The following KIAA1614 variants were observed in gnomAD, a reference collection of about 807,000 sequenced individuals.
KIAA1614 encodes the protein KIAA1614.
In KIAA1614, 76 loss-of-function variants were observed where a neutral mutation model predicts 88.7. That is an observed-to-expected ratio of 0.86 (90% CI 0.71 to 1.04). The LOEUF (loss-of-function observed/expected upper bound fraction) is 1.04. Ranked by LOEUF, KIAA1614 falls within the 50% of genes least tolerant of loss-of-function variation. KIAA1614 has a pLI of 0.00. For missense variants in KIAA1614, 1,553 were observed against 1,582.5 expected (o/e 0.98, Z 0.32); for synonymous variants, 714 against 675.5 (o/e 1.06, Z -0.88).
At position 180,936,385 on chromosome 1, in the gene KIAA1614, G is replaced by T. The variant is rs1558070756; in HGVS notation, c.2476G>T (p.Ala826Ser). Residue 826 changes from alanine (A) to serine (S), a missense_variant, in exon 5 of 9, where the codon GCC (alanine) becomes TCC (serine). Physicochemically the swap from Ala to Ser is moderately conservative, Grantham distance 99 (BLOSUM62 1). Transcript: ENST00000367588. ...TTSPVSHRKA[A>S]LAGLLRLGDQ... is the part of the protein sequence containing the mutation. ...CTCGCCAGTGTCTCACAGGAAGGCA[G>T]CCCTGGCTGGACTGCTCAGGCTGGG... 6.2e-7 allele frequency: 1 copy of T among 1,614,226 alleles called. No homozygotes were observed. The highest frequency in any genetic ancestry group is 8.5e-7 in the Non-Finnish European group (1 of 1,180,036).
intron 6 of KIAA1614, among the ~76,000 whole-genome samples, chr1:180,940,649 C>T (rs971263060): frequency 7.3e-5 from 11 of 150,844 alleles, no homozygotes; most frequent in Non-Finnish European, 1.5e-4. Flanking sequence ...CTTTTCTTTT[C>T]TTTCTTTCTT....
Position 180,920,112 on chromosome 1 carries a change from C to T in KIAA1614, c.1061+2198C>T, listed in dbSNP as rs376356191. Among the ~76,000 whole-genome samples, 36 of 152,296 alleles carry T rather than the reference C, an allele frequency of 2.4e-4. No homozygotes were observed. The East Asian group carries it at 5.6e-3, about 24-fold the overall frequency. The stretch of plus-strand genomic sequence containing the variant: ...TGCAGTGAGGTCCCTGCTGAGTAGA[C>T]GCCCAGGCTATAGGGCCATGTCTTG... On this transcript the variant is annotated intron_variant, in intron 3 of 8. Coordinates refer to ENST00000367588, the MANE Select transcript of KIAA1614 (RefSeq NM_020950.2).
rs891313783 is a variant in KIAA1614, at chr1:180,949,532, C to T, written c.*3944C>T. On this transcript the variant is annotated 3_prime_UTR_variant, in exon 9 of 9. Transcript: ENST00000367588. ...CCAGCCCAAGCCCCACAGGGCCTGC[C>T]CCACTGACGGGGGGCTCCCTGAGAG... 1 of 152,280 alleles carries T rather than the reference C, an allele frequency of 6.6e-6. No individual in the cohort carries two copies. The highest frequency in any genetic ancestry group is 1.5e-5 in the Non-Finnish European group (1 of 68,082). 9.4% of individuals were successfully genotyped at this position (152,280 alleles called of 1,614,324 possible). A position where few individuals can be genotyped will look rare whatever the true frequency, so the allele number is the denominator to read the frequency against.
In KIAA1614 at chr1:180,950,514, A is replaced by G; in HGVS notation, c.*4926A>G. On this transcript the variant is annotated 3_prime_UTR_variant, in exon 9 of 9. Transcript: ENST00000367588. ...AGCTTGTCAATCCGTGTCCTGAGGC[A>G]GAGACCTGTCCCACGGTGACCCAGA... The G allele has an allele frequency of 8.9e-7, 1 of 1,127,194 alleles. No homozygotes were observed. The highest frequency in any genetic ancestry group is 1.1e-6 in the Non-Finnish European group (1 of 907,268). The allele number at this position is 1,127,194 out of a possible 1,614,324, so 69.8% of individuals were successfully genotyped here. A position where few individuals can be genotyped will look rare whatever the true frequency, so the allele number is the denominator to read the frequency against.
At chr1:180,917,755 T>C in intron 2 of KIAA1614, 96 bp from the exon 3 acceptor site, 3 of 1,004,878 alleles carry the variant, frequency 3.0e-6, no homozygotes, top group Non-Finnish European at 3.2e-6. Context: ...AGTAAGTTGC[T>C]TCTGGAGAAA....
intron 3 of KIAA1614, among the ~76,000 whole-genome samples, chr1:180,924,273 CAG>C (rs1219896370): frequency 6.6e-6 from 1 of 152,358 alleles, no homozygotes; most frequent in African/African-American, 2.4e-5. Context: ...CTCTGCCTGC[CAG>C]AGTTGAACAG....
rs946858311 is a variant in KIAA1614 at position 180,940,569 on chromosome 1, G to A, written c.2919-476G>A. The stretch of plus-strand genomic sequence containing the variant: ...TCTGAGCTGAGTATTATGGCGGGGG[G>A]CTTGCCTGAGCTATACTCCCCAAAA... On this transcript the variant is annotated intron_variant, in intron 6 of 8. Coordinates refer to ENST00000367588, the MANE Select transcript of KIAA1614 (RefSeq NM_020950.2). Among the ~76,000 whole-genome samples the A allele has an allele frequency of 3.3e-5, 5 of 152,160 alleles. No individual in the cohort carries two copies. In the South Asian group the frequency reaches 6.2e-4, roughly 19 times the overall value.
At chr1:180,913,894 T>C (rs1366318303) in intron 1 of KIAA1614, 1 of 152,236 alleles carries the variant, frequency 6.6e-6, no homozygotes, top group African/African-American at 2.4e-5. Context: ...ATAGAACAAA[T>C]TATTTCTGTC....
Position 180,945,912 on chromosome 1 carries a change from C to G in KIAA1614, c.*324C>G. ...CTGAGGTCAGGAGTTCGAGACCAGT[C>G]TGGCCCACATGGTGAAACCCATGTC... On this transcript the variant is annotated 3_prime_UTR_variant, in exon 9 of 9. Transcript: ENST00000367588. 1.6e-6 allele frequency: 1 copy of G among 607,384 alleles called. No homozygotes were observed. Among genetic ancestry groups the G allele is most frequent in the Non-Finnish European group, 2.2e-6 (1 of 461,966 alleles). 37.6% of individuals were successfully genotyped at this position (607,384 alleles called of 1,614,324 possible).
At position 180,916,762 on chromosome 1, in the gene KIAA1614, G is replaced by A. The variant is rs768311168; in HGVS notation, c.659G>A (p.Arg220Gln). 25 of 1,614,090 alleles carry A rather than the reference G, an allele frequency of 1.5e-5. No individual in the cohort carries two copies. Among genetic ancestry groups the A allele is most frequent in the Middle Eastern group, 1.6e-4 (1 of 6,084 alleles). ...CCGATCCATGGAGTTACTCCCGGACGGCCTGGGGGTCCTGGTCATTGTAAC... is the reference window on the plus strand; with the variant it reads ...CCGATCCATGGAGTTACTCCCGGACAGCCTGGGGGTCCTGGTCATTGTAAC... ...QSPIHGVTPG[R>Q]PGGPGHCNKI... Residue 220 changes from arginine to glutamine, a missense_variant, in exon 2 of 9, where the codon CGG becomes CAG. By Grantham distance (43) the Arg-to-Gln change is conservative. Coordinates refer to ENST00000367588, the MANE Select transcript of KIAA1614 (RefSeq NM_020950.2).
chr1:180,922,818 T>C (rs1653985953), intron 3 of KIAA1614, among the ~76,000 whole-genome samples: 1 of 152,148 alleles, frequency 6.6e-6, no homozygotes, highest in African/African-American at 2.4e-5. Flanking sequence ...TCTGACACTG[T>C]CTACCTGCAG....
rs1654578593 is a variant in KIAA1614, at chr1:180,945,825, C to T, written c.*237C>T. 1 of 1,310,264 alleles carries T rather than the reference C, an allele frequency of 7.6e-7. No individual in the cohort carries two copies. Among genetic ancestry groups the T allele is most frequent in the Non-Finnish European group, 9.6e-7 (1 of 1,037,134 alleles). The allele number at this position is 1,310,264 out of a possible 1,614,324, so 81.2% of individuals were successfully genotyped here. ...GACATCTTGAAATTAGAAGCTTAGG[C>T]CGGGCGCAGTGGCTCATGCCTGTAA... On this transcript the variant is annotated 3_prime_UTR_variant, in exon 9 of 9. Coordinates refer to ENST00000367588, the MANE Select transcript of KIAA1614 (RefSeq NM_020950.2).
At position 180,950,595 on chromosome 1, in the gene KIAA1614, T is replaced by C. The variant is rs1201795142; in HGVS notation, c.*5007T>C. 2.1e-6 allele frequency: 2 copies of C among 966,810 alleles called. No individual in the cohort carries two copies. The highest frequency in any genetic ancestry group is 2.6e-6 in the Non-Finnish European group (2 of 783,950). The allele number at this position is 966,810 out of a possible 1,614,324, so 59.9% of individuals were successfully genotyped here. Reference sequence around the variant, plus strand: ...GAAGCCCTGAAGCACTCAGGGTGGTTGGCAGGAACGTGCTGCACAGAGCTG... The same window carrying C: ...GAAGCCCTGAAGCACTCAGGGTGGTCGGCAGGAACGTGCTGCACAGAGCTG... On this transcript the variant is annotated 3_prime_UTR_variant, in exon 9 of 9. Coordinates refer to ENST00000367588, the MANE Select transcript of KIAA1614 (RefSeq NM_020950.2).
rs1654622258 is a variant in KIAA1614 at position 180,947,459 on chromosome 1, T to TGGGGAGG, written c.*1877_*1878insGGGGGAG. ...CCTGGACTGGGAACGGCTGTGGAGA[T>TGGGGAGG]GGGGAGAGGGGAGAGGGGACAGGGG... On this transcript the variant is annotated 3_prime_UTR_variant, in exon 9 of 9. Coordinates refer to ENST00000367588, the MANE Select transcript of KIAA1614 (RefSeq NM_020950.2). 1 of 151,828 alleles carries TGGGGAGG rather than the reference T, an allele frequency of 6.6e-6. No individual in the cohort carries two copies. The highest frequency in any genetic ancestry group is 2.4e-5 in the African/African-American group (1 of 41,220). The allele number at this position is 151,828 out of a possible 1,614,324, so 9.4% of individuals were successfully genotyped here.
chr1:180,923,653 C>T (rs1654001772), intron 3 of KIAA1614, among the ~76,000 whole-genome samples: 1 of 152,152 alleles, frequency 6.6e-6, no homozygotes, highest in Non-Finnish European at 1.5e-5. Flanking sequence ...CCAGTGCCTG[C>T]AAGTGTGTGC....
At chr1:180,934,997 C>T (rs2102269145) in intron 4 of KIAA1614, 118 bp from the exon 5 acceptor site, 3 of 674,480 alleles carry the variant, frequency 4.4e-6, no homozygotes, top group Non-Finnish European at 6.5e-6. Flanking sequence ...TTGTGGGTTG[C>T]GGTTGCCACA....
chr1:180,917,957 C>T, intron 3 of KIAA1614, 43 bp downstream of exon 3: 1 of 1,522,630 alleles, frequency 6.6e-7, no homozygotes, highest in Non-Finnish European at 9.1e-7. Context: ...CCCTCCTCAC[C>T]ATGGTCCCTC....
At position 180,936,670 on chromosome 1, in the gene KIAA1614, G is replaced by T; in HGVS notation, c.2761G>T (p.Gly921Ter). The T allele has an allele frequency of 6.7e-7, 1 of 1,500,654 alleles. No homozygotes were observed. The highest frequency in any genetic ancestry group is 8.9e-7 in the Non-Finnish European group (1 of 1,128,632). 93.0% of individuals were successfully genotyped at this position (1,500,654 alleles called of 1,614,324 possible). A position where few individuals can be genotyped will look rare whatever the true frequency, so the allele number is the denominator to read the frequency against. ...GCCGCCCCTGGAGAACAGCAGAGAT[G>T]GTAAGGGGCTGCCGCTGGTTCCTGC... ...PEPPLENSRD[G>*]GPQGFLGSAD... is the part of the protein sequence containing the mutation. Residue 921 changes from glycine (G) to a stop codon, truncating the protein, a stop_gained and splice_region_variant, in exon 5 of 9, where the codon GGA becomes TGA. Transcript: ENST00000367588. LOFTEE classifies it high-confidence loss of function.
rs1654450689 is a variant in KIAA1614, at chr1:180,941,104, A to T, written c.2978A>T (p.Asn993Ile). ...CCCTCGGCTGCCCCTTTGGACCAGA[A>T]CAAGAAAAGGAGCAGCAGCATAGCC... is the stretch of plus-strand genomic sequence containing the variant. ...GSPSAAPLDQNKKRSSSIAST... is the reference protein window; with the variant it reads ...GSPSAAPLDQIKKRSSSIAST... Residue 993 changes from asparagine (N) to isoleucine (I), a missense_variant, in exon 7 of 9, where the codon AAC (asparagine) becomes ATC (isoleucine). Physicochemically the swap from Asn to Ile is moderately radical, Grantham distance 149. Transcript: ENST00000367588. 6.2e-7 allele frequency: 1 copy of T among 1,612,650 alleles called. No individual in the cohort carries two copies. The highest frequency in any genetic ancestry group is 1.1e-5 in the South Asian group (1 of 91,048).
Sources: allele counts gnomAD v4.1 joint callset (sites outside exome capture counted in the v4.1 genomes callset), GRCh38; gene constraint gnomAD v4.1.1; transcripts MANE v1.5; gene names NCBI Gene and HGNC (gene_info 2026-07-23, HGNC 2026-07-21).